The following MDN1 variants were observed in gnomAD, a reference collection of about 807,000 sequenced individuals.
MDN1 encodes midasin.
Under a neutral mutation model 669.2 loss-of-function variants are expected in MDN1, and 266 were observed. The observed-to-expected ratio is 0.40, with a 90% CI of 0.36 to 0.44. The LOEUF is 0.44. Among genes scored for constraint, MDN1 ranks in the 20% least tolerant of loss-of-function variants. The pLI is 1.00. For synonymous variants in MDN1, 2,385 were observed against 2,457.1 expected (o/e 0.97, Z 0.87); for missense variants, 5,940 against 6,754.0 (o/e 0.88, Z 4.22).
chr6:89,673,598 A>G, intron 79 of MDN1, 136 bp from the exon 80 acceptor site: 2 of 727,162 alleles, frequency 2.8e-6, no homozygotes, highest in Admixed American at 2.4e-5. Flanking sequence ...CACATGCCAC[A>G]AAGTGCTGTG....
chr6:89,780,225 T>G lies in MDN1; in HGVS notation c.1712A>C (p.Asn571Thr). ...ACTATATCTTACCTCTTGAAAAATA[T>G]TTAATGATGCTGATAAAGATGAACT... ...FDSSSLSASL[N>T]IFQEALDCFT... The change falls in exon 11 of 102, where the codon AAT becomes ACT. Residue 571 changes from asparagine to threonine, a missense_variant. Physicochemically the swap from Asn to Thr is moderately conservative, Grantham distance 65 (BLOSUM62 0). Transcript: ENST00000369393. The G allele has an allele frequency of 1.3e-6, 2 of 1,570,436 alleles. No individual in the cohort carries two copies. Among genetic ancestry groups the G allele is most frequent in the Non-Finnish European group, 1.7e-6 (2 of 1,158,390 alleles).
In MDN1 at chr6:89,715,780, A is replaced by G. The variant is rs1814326189; in HGVS notation, c.6744-11T>C. 9 of 1,559,560 alleles carry G rather than the reference A, an allele frequency of 5.8e-6. No homozygotes were observed. The highest frequency in any genetic ancestry group is 8.0e-6 in the Non-Finnish European group (9 of 1,130,352). On this transcript the variant is annotated splice_polypyrimidine_tract_variant and intron_variant, in intron 44 of 101. Transcript: ENST00000369393. ...TCCAACACTGATGGGCTGCAGAGAC[A>G]GAATTCAGATGGTGGATAGGCTGAC...
intron 50 of MDN1, among the ~76,000 whole-genome samples, chr6:89,709,038 T>C (rs1448143598): frequency 2.0e-5 from 3 of 151,802 alleles, no homozygotes; most frequent in Non-Finnish European, 2.9e-5. Context: ...TCACTATCTG[T>C]TTTCATTAAG....
intron 7 of MDN1, among the ~76,000 whole-genome samples, chr6:89,789,184 A>AG (rs1819126232): frequency 6.6e-6 from 1 of 152,204 alleles, no homozygotes; most frequent in Non-Finnish European, 1.5e-5. Context: ...GTCCAAAGGA[A>AG]GAATATTTCA....
intron 75 of MDN1, among the ~76,000 whole-genome samples, chr6:89,677,910 G>C (rs578260030): frequency 6.6e-6 from 1 of 152,354 alleles, no homozygotes; most frequent in Non-Finnish European, 1.5e-5. Flanking sequence ...GCACGTTCAA[G>C]TTTGAGAAGC....
At chr6:89,724,574 TGCCCA>T (rs1815081082) in intron 38 of MDN1, among the ~76,000 whole-genome samples, 1 of 152,206 alleles carries the variant, frequency 6.6e-6, no homozygotes, top group Non-Finnish European at 1.5e-5. Context: ...TGATCCACCA[TGCCCA>T]GCCAATAAAA....
At chr6:89,742,649 A>G (rs1251685614) in intron 31 of MDN1, among the ~76,000 whole-genome samples, 1 of 152,210 alleles carries the variant, frequency 6.6e-6, no homozygotes, top group Non-Finnish European at 1.5e-5. Context: ...ACCTCAAAAG[A>G]AAAAATGGGT....
intron 26 of MDN1, among the ~76,000 whole-genome samples, chr6:89,747,698 TG>T (rs1320143395): frequency 1.3e-5 from 2 of 151,106 alleles, no homozygotes; most frequent in African/African-American, 4.9e-5. Flanking sequence ...GAGACCATCC[TG>T]GCTAACATGG....
chr6:89,777,382 T>C (rs769567608), intron 11 of MDN1, among the ~76,000 whole-genome samples: 2 of 152,232 alleles, frequency 1.3e-5, no homozygotes, highest in Admixed American at 6.5e-5. Context: ...CTAAGCCTCA[T>C]AGGCTGGCCA....
At chr6:89,722,849 A>AG (rs1301544037) in intron 40 of MDN1, 106 bp downstream of exon 40, 3 of 776,782 alleles carry the variant, frequency 3.9e-6, no homozygotes, top group Non-Finnish European at 5.4e-6. Flanking sequence ...CCAGTCTCAA[A>AG]AAAAAAAAAA....
chr6:89,720,875 T>C (rs1814771870), intron 40 of MDN1, among the ~76,000 whole-genome samples: 1 of 152,174 alleles, frequency 6.6e-6, no homozygotes, highest in Non-Finnish European at 1.5e-5. Flanking sequence ...CTCACTCCAT[T>C]TGTAATCACA....
chr6:89,720,051 A>G (rs560084029), intron 40 of MDN1, among the ~76,000 whole-genome samples: 1 of 152,296 alleles, frequency 6.6e-6, no homozygotes, highest in South Asian at 2.1e-4. Context: ...AGTATACAAA[A>G]TAGTATTTCT....
chr6:89,677,052 T>C (rs1584159461), intron 76 of MDN1, among the ~76,000 whole-genome samples: 1 of 135,524 alleles, frequency 7.4e-6, no homozygotes, highest in Admixed American at 7.5e-5. Context: ...AGAAGAAGAA[T>C]GGAGAGGTGA....
chr6:89,679,982 G>A (rs932425302), intron 74 of MDN1, among the ~76,000 whole-genome samples: 1 of 152,164 alleles, frequency 6.6e-6, no homozygotes, highest in African/African-American at 2.4e-5. Flanking sequence ...GAGATTAGAT[G>A]CAACCTCATT....
chr6:89,723,025 C>T lies in MDN1; in HGVS notation c.5897G>A (p.Cys1966Tyr). The T allele has an allele frequency of 6.2e-7, 1 of 1,614,038 alleles. No homozygotes were observed. Among genetic ancestry groups the T allele is most frequent in the Non-Finnish European group, 8.5e-7 (1 of 1,179,950 alleles). ...AAACACATGCTGACCAGGATCATAACACCCAGGGGACTGGTCAACCAGCAT... is the reference window on the plus strand; with the variant it reads ...AAACACATGCTGACCAGGATCATAATACCCAGGGGACTGGTCAACCAGCAT... Reference protein sequence around the residue: ...QLMLVDQSPGCYDPGQHVFLV... With the variant: ...QLMLVDQSPGYYDPGQHVFLV... The change falls in exon 40 of 102, where the codon TGT (cysteine) becomes TAT (tyrosine). Residue 1966 changes from cysteine to tyrosine, a missense_variant. Cys to Tyr is a radical substitution (Grantham distance 194). Around this residue, in one of 5 missense-constraint regions of MDN1, gnomAD observed 2,292 missense variants for 2,638.3 expected, o/e 0.87. Coordinates refer to ENST00000369393, the MANE Select transcript of MDN1 (RefSeq NM_014611.3).
At chr6:89,707,288 T>C in intron 52 of MDN1, 73 bp downstream of exon 52, 4 of 1,058,480 alleles carry the variant, frequency 3.8e-6, no homozygotes, top group Non-Finnish European at 5.9e-6. Flanking sequence ...AGCTGCTGAA[T>C]ATGCCTCTCA....
At chr6:89,806,432 T>C (rs2128330107) in intron 1 of MDN1, among the ~76,000 whole-genome samples, 1 of 152,142 alleles carries the variant, frequency 6.6e-6, no homozygotes, top group South Asian at 2.1e-4. Context: ...AATTAGCTGG[T>C]GTGGCCAGGA....
chr6:89,671,050 G>T lies in MDN1; in HGVS notation c.13825C>A (p.Arg4609Ser). The T allele has an allele frequency of 6.2e-7, 1 of 1,613,970 alleles. No individual in the cohort carries two copies. Among genetic ancestry groups the T allele is most frequent in the Non-Finnish European group, 8.5e-7 (1 of 1,179,972 alleles). ...TAGCTGGAGAGGACCGGCACCAGGCGCACCAGCAAGGAACAGGATTGGCTG... is the reference window on the plus strand; with the variant it reads ...TAGCTGGAGAGGACCGGCACCAGGCTCACCAGCAAGGAACAGGATTGGCTG... ...FFSQSCSLLV[R>S]LVPVLSSYSD... The change falls in exon 83 of 102, where the codon CGC becomes AGC. Residue 4609 changes from arginine (R) to serine (S), a missense_variant. Arg to Ser is a moderately radical substitution (Grantham distance 110). This residue lies in a region of MDN1 where 2,280 missense variants were observed against 2,576.3 expected (regional missense o/e 0.88). Coordinates refer to ENST00000369393, the MANE Select transcript of MDN1 (RefSeq NM_014611.3).
At chr6:89,747,890 C>CAAAAA (rs55885838) in intron 26 of MDN1, among the ~76,000 whole-genome samples, 7 of 84,046 alleles carry the variant, frequency 8.3e-5, no homozygotes, top group South Asian at 4.2e-4. Context: ...GACTCCGTCT[C>CAAAAA]AAAAAAAAAA....
Sources: allele counts gnomAD v4.1 joint callset (sites outside exome capture counted in the v4.1 genomes callset), GRCh38; gene constraint gnomAD v4.1.1; regional missense constraint gnomAD v4.1.1; transcripts MANE v1.5; gene names NCBI Gene and HGNC (gene_info 2026-07-23, HGNC 2026-07-21).